Variants in MS4A4A observed in about 807,000 individuals in gnomAD.
MS4A4A encodes the protein membrane-spanning 4-domains subfamily A member 4A.
In MS4A4A, 26 loss-of-function variants were observed where a neutral mutation model predicts 28.0. The observed-to-expected ratio is 0.93, with a 90% confidence interval of 0.68 to 1.29. The LOEUF is 1.29. MS4A4A is among the 50% of genes most tolerant of loss of function. MS4A4A has a pLI of 0.00. For synonymous variants in MS4A4A, 86 were observed against 100.8 expected, an observed-to-expected ratio of 0.85 and a Z score of 0.88; for missense variants, 290 against 293.1, an observed-to-expected ratio of 0.99 and a Z score of 0.08.
chr11:60,297,382 C>G, intron 3 of MS4A4A, 57 bp downstream of exon 3: 1 of 1,580,506 alleles, frequency 6.3e-7, no homozygotes, highest in South Asian at 1.1e-5. Flanking sequence ...TGTCAATACC[C>G]TGATCTTTGG....
intron 3 of MS4A4A, among the ~76,000 whole-genome samples, chr11:60,300,044 T>C (rs551392167): frequency 7.2e-5 from 11 of 152,326 alleles, no homozygotes; most frequent in African/African-American, 2.4e-4. Context: ...CATCTCTATG[T>C]CTGGGTATTT....
chr11:60,281,897 C>T (rs1156891157), intron 1 of MS4A4A, among the ~76,000 whole-genome samples: 1 of 152,060 alleles, frequency 6.6e-6, no homozygotes, highest in Non-Finnish European at 1.5e-5. Flanking sequence ...GAAGAAATGT[C>T]CCTCATATGC....
intron 3 of MS4A4A, among the ~76,000 whole-genome samples, chr11:60,299,945 A>T (rs1161348007): frequency 6.6e-6 from 1 of 152,234 alleles, no homozygotes; most frequent in Non-Finnish European, 1.5e-5. Context: ...CTGAAGGAAC[A>T]TCCCAAATGT....
At chr11:60,302,812 T>C (rs2084965508) in intron 5 of MS4A4A, 95 bp downstream of exon 5, 3 of 1,208,002 alleles carry the variant, frequency 2.5e-6, no homozygotes, top group African/African-American at 1.5e-5. Context: ...CCCTAATTGA[T>C]GAATGACTTT....
Position 60,299,503 on chromosome 11 carries a change from G to T in MS4A4A, c.331-1498G>T, listed in dbSNP as rs371185506. ...TTTTGGTTTTTTGAGACAGAGTTTC[G>T]CTCTTATTACCCAGGCTGGAGTGCA... On this transcript the variant is annotated intron_variant, in intron 3 of 6. Coordinates refer to ENST00000337908, the MANE Select transcript of MS4A4A (RefSeq NM_148975.3). Among the ~76,000 whole-genome samples, 59 of 123,650 alleles carry T rather than the reference G, an allele frequency of 4.8e-4. 1 individual carries two copies. The South Asian group carries it at 0.011, about 24-fold the overall frequency. The allele number at this position is 123,650 out of a possible 152,430, so 81.1% of individuals were successfully genotyped here.
At position 60,299,448 on chromosome 11, in the gene MS4A4A, CTTT is replaced by C. The variant is rs5792179; in HGVS notation, c.331-1536_331-1534del. 7.1e-5 allele frequency among the ~76,000 whole-genome samples: 8 copies of C among 113,228 alleles called. No individual in the cohort carries two copies. In the East Asian group the frequency reaches 1.0e-3, roughly 15 times the overall value. The allele number at this position is 113,228 out of a possible 152,430, so 74.3% of individuals were successfully genotyped here. On this transcript the variant is annotated intron_variant, in intron 3 of 6. Coordinates refer to ENST00000337908, the MANE Select transcript of MS4A4A (RefSeq NM_148975.3). ...CTATCATGTTACAGAAATTACAATT[CTTT>C]TTTTTTTTTTTTTTTTGGTTTTTGG...
chr11:60,281,975 G>A (rs898554265), intron 1 of MS4A4A, among the ~76,000 whole-genome samples: 16 of 152,126 alleles, frequency 1.1e-4, no homozygotes, highest in African/African-American at 3.6e-4. Flanking sequence ...TGGTAAACAC[G>A]TTTTTGTTCT....
intron 3 of MS4A4A, 105 bp from the exon 4 acceptor site, chr11:60,300,896 T>G: frequency 2.6e-6 from 2 of 767,928 alleles, no homozygotes; most frequent in African/African-American, 1.8e-5. Context: ...TTTAAGATAA[T>G]TGGTCTGATT....
chr11:60,290,352 C>T (rs1035565754), intron 1 of MS4A4A: 1 of 153,228 alleles, frequency 6.5e-6, no homozygotes, highest in Non-Finnish European at 1.5e-5. Flanking sequence ...CACTTCTCCC[C>T]AAATTTATCA....
chr11:60,295,016 A>T (rs1379347270), intron 2 of MS4A4A, among the ~76,000 whole-genome samples: 1 of 151,626 alleles, frequency 6.6e-6, no homozygotes, highest in Non-Finnish European at 1.5e-5. Flanking sequence ...GTTTATCAAT[A>T]TATACAAAAT....
chr11:60,306,926 T>C (rs1014999429), intron 6 of MS4A4A, among the ~76,000 whole-genome samples: 4 of 152,216 alleles, frequency 2.6e-5, no homozygotes, highest in African/African-American at 9.7e-5. Flanking sequence ...CCCACTCTTT[T>C]ACCCTGAGAC....
intron 1 of MS4A4A, among the ~76,000 whole-genome samples, chr11:60,287,451 C>G (rs774520228): frequency 4.6e-5 from 7 of 152,196 alleles, no homozygotes; most frequent in Non-Finnish European, 7.3e-5. Context: ...AGGTAGAGGT[C>G]TCCTGATGTA....
At chr11:60,292,731 C>T (rs1470889343) in intron 2 of MS4A4A, among the ~76,000 whole-genome samples, 1 of 152,158 alleles carries the variant, frequency 6.6e-6, no homozygotes. Context: ...CTGACAGGCA[C>T]ATATTGCTAC....
In MS4A4A at chr11:60,308,197, A is replaced by G; in HGVS notation, c.*19A>G. 1 of 1,609,682 alleles carries G rather than the reference A, an allele frequency of 6.2e-7. No homozygotes were observed. The highest frequency in any genetic ancestry group is 2.2e-5 in the East Asian group (1 of 44,856). On this transcript the variant is annotated 3_prime_UTR_variant, in exon 7 of 7. Coordinates refer to ENST00000337908, the MANE Select transcript of MS4A4A (RefSeq NM_148975.3). ...GGTTTGAGGCCACCAAAAGATCAAC[A>G]GACAAATGCTCCAGAAATCTATGCT...
At chr11:60,293,084 G>A (rs1430826701) in intron 2 of MS4A4A, among the ~76,000 whole-genome samples, 1 of 152,084 alleles carries the variant, frequency 6.6e-6, no homozygotes, top group Non-Finnish European at 1.5e-5. Context: ...TTGAGATGGA[G>A]TCTCGCTCCA....
intron 3 of MS4A4A, 26 bp from the exon 4 acceptor site, chr11:60,300,975 A>C: frequency 6.5e-7 from 1 of 1,543,402 alleles, no homozygotes; most frequent in Non-Finnish European, 8.9e-7. Flanking sequence ...AAAGTTTTTT[A>C]CCTTCATTTT....
chr11:60,301,526 A>G (rs2084952618), intron 4 of MS4A4A, among the ~76,000 whole-genome samples: 1 of 152,252 alleles, frequency 6.6e-6, no homozygotes, highest in Non-Finnish European at 1.5e-5. Flanking sequence ...TCTCATGCCA[A>G]GATGCCTTTC....
At chr11:60,297,100 G>T (rs575721079) in intron 2 of MS4A4A, 97 bp from the exon 3 acceptor site, 1 of 1,430,014 alleles carries the variant, frequency 7.0e-7, no homozygotes, top group Admixed American at 1.8e-5. Flanking sequence ...ACTATCAAAT[G>T]AAGGAGAATA....
At chr11:60,284,055 C>T (rs545579725) in intron 1 of MS4A4A, among the ~76,000 whole-genome samples, 5 of 152,186 alleles carry the variant, frequency 3.3e-5, no homozygotes, top group Non-Finnish European at 7.3e-5. Context: ...AGTTTTTGTG[C>T]AAACAAGAGA....
Sources: gnomAD v4.1 joint callset for allele counts (sites outside exome capture counted in the v4.1 genomes callset) on GRCh38, gnomAD v4.1.1 for gene constraint, MANE v1.5 for transcripts, NCBI Gene and HGNC (gene_info 2026-07-23, HGNC 2026-07-21) for gene names.